The following TLR1 variants were observed in gnomAD, a reference collection of about 807,000 sequenced individuals.
TLR1 encodes the protein toll-like receptor 1.
In TLR1, 19 loss-of-function variants were observed where a neutral mutation model predicts 20.2. The ratio of observed to expected loss-of-function variants is 0.94; its 90% CI spans 0.66 to 1.38. The LOEUF (loss-of-function observed/expected upper bound fraction) is 1.38. Among genes scored for constraint, TLR1 ranks in the 40% most tolerant of loss-of-function variants. The pLI is 0.00. For synonymous variants in TLR1, 320 were observed against 334.5 expected (o/e 0.96, Z 0.47); for missense variants, 921 against 910.0 (o/e 1.01, Z -0.16).
downstream of TLR1, chr4:38,790,591 G>C (rs931207613): frequency 2.6e-5 from 4 of 151,744 alleles, no homozygotes; most frequent in Non-Finnish European, 4.4e-5. Flanking sequence ...CGTTTTGCTG[G>C]GTACTTTTAG....
chr4:38,799,012 T>G (rs1726441086), intron 3 of TLR1, 114 bp from the exon 4 acceptor site: 1 of 529,326 alleles, frequency 1.9e-6, no homozygotes, highest in Admixed American at 3.8e-5. Flanking sequence ...AAGTGGAGGC[T>G]ACATTCTTTT....
intron 3 of TLR1, 61 bp downstream of exon 3, chr4:38,800,796 A>C (rs552418837): frequency 6.5e-6 from 1 of 152,808 alleles, no homozygotes; most frequent in African/African-American, 2.4e-5. Flanking sequence ...CCTCGGTTAC[A>C]AAAGTTCCCC....
chr4:38,794,279 A>G (rs73142693), downstream of TLR1, among the ~76,000 whole-genome samples: 4,949 of 152,332 alleles, frequency 0.032, 110 homozygotes, highest in African/African-American at 0.053. Context: ...TTGCAATTCC[A>G]TTACAGAACA....
At chr4:38,805,289 G>A (rs1726946726), upstream of TLR1, 1 of 152,182 alleles carries the variant, frequency 6.6e-6, no homozygotes, top group Non-Finnish European at 1.5e-5. Context: ...TTACAGGATG[G>A]ATGTTAATCA....
downstream of TLR1, among the ~76,000 whole-genome samples, chr4:38,795,989 TG>T (rs5857643): frequency 4.7e-3 from 711 of 152,206 alleles, 6 homozygotes; most frequent in African/African-American, 0.017. Context: ...GGTGGGGGGT[TG>T]GGGAGGAACC....
At chr4:38,791,529 T>C (rs994599652), downstream of TLR1, among the ~76,000 whole-genome samples, 11 of 152,232 alleles carry the variant, frequency 7.2e-5, no homozygotes, top group African/African-American at 2.7e-4. Flanking sequence ...TTGCCATTTT[T>C]AGTTGTTTTG....
At chr4:38,805,470 G>C (rs1359713841), upstream of TLR1, 1 of 152,134 alleles carries the variant, frequency 6.6e-6, no homozygotes, top group Non-Finnish European at 1.5e-5. Context: ...AAAATCCTGG[G>C]GTTTGTTGAC....
At chr4:38,802,285 A>C (rs979738562) in intron 2 of TLR1, among the ~76,000 whole-genome samples, 2 of 152,170 alleles carry the variant, frequency 1.3e-5, no homozygotes, top group African/African-American at 4.8e-5. Context: ...CTCCTAATAG[A>C]TAGAAAACAC....
Position 38,798,661 on chromosome 4 carries a change from T to C in TLR1, c.171A>G (p.Ile57Met), listed in dbSNP as rs145135062. 4,491 of 1,614,018 alleles carry C rather than the reference T, an allele frequency of 2.8e-3. 16 individuals are homozygous for C. Among genetic ancestry groups the C allele is most frequent in the Middle Eastern group, 0.01 (61 of 6,062 alleles). ...TTILNISQNY[I>M]SELWTSDILS... ...AGATGTCAGAAGTCCAAAGCTCAGA[T>C]ATATAATTTTGCGATATATTTAAGA... Residue 57 changes from isoleucine to methionine, a missense_variant, in exon 4 of 4, where the codon ATA (isoleucine) becomes ATG (methionine). Ile to Met is a conservative substitution (Grantham distance 10, BLOSUM62 1). Transcript: ENST00000308979.
downstream of TLR1, chr4:38,796,210 T>C (rs1726039944): frequency 2.3e-6 from 1 of 434,418 alleles, no homozygotes; most frequent in Non-Finnish European, 4.1e-6. Context: ...CTTGACTTCA[T>C]GATAAATTCA....
downstream of TLR1, among the ~76,000 whole-genome samples, chr4:38,795,872 G>A (rs1360139090): frequency 2.0e-5 from 3 of 152,202 alleles, no homozygotes; most frequent in Non-Finnish European, 4.4e-5. Flanking sequence ...CAAAAAATGA[G>A]TGAGAAAGTT....
chr4:38,797,857 A>G lies in TLR1; in HGVS notation c.975T>C (p.Asn325=), dbSNP rs370738284. The G allele has an allele frequency of 1.9e-6, 3 of 1,613,956 alleles. No individual in the cohort carries two copies. In the African/African-American group the frequency reaches 4.0e-5, roughly 22 times the overall value. Residue 325 remains asparagine, a synonymous_variant, in exon 4 of 4, where the codon AAT becomes AAC. Transcript: ENST00000308979. ...ACACTGTGAAATTTTTGATGTTCAT[A>G]TTCGAAAAGATTTCATAGATATAAC... is the stretch of plus-strand genomic sequence containing the variant. ...PQSYIYEIFS[N]MNIKNFTVSG...
chr4:38,800,042 G>C (rs1487723088), intron 3 of TLR1, among the ~76,000 whole-genome samples: 1 of 152,150 alleles, frequency 6.6e-6, no homozygotes, highest in Admixed American at 6.5e-5. Flanking sequence ...GACAGTGCTT[G>C]GGGGTGGCTA....
chr4:38,800,808 A>G (rs771779673), intron 3 of TLR1, 49 bp downstream of exon 3: 1 of 152,636 alleles, frequency 6.6e-6, no homozygotes, highest in Non-Finnish European at 1.5e-5. Flanking sequence ...AAGTTCCCCA[A>G]TTTAGATGTG....
At chr4:38,798,991 A>G in intron 3 of TLR1, 93 bp from the exon 4 acceptor site, 1 of 613,718 alleles carries the variant, frequency 1.6e-6, no homozygotes, top group South Asian at 2.6e-5. Context: ...TTTTTTTGTT[A>G]CAGACTTATA....
downstream of TLR1, among the ~76,000 whole-genome samples, chr4:38,790,178 T>C (rs542002194): frequency 1.4e-4 from 22 of 152,350 alleles, no homozygotes; most frequent in African/African-American, 5.3e-4. Context: ...GTTGCTCCTC[T>C]CTGCTGTATT....
chr4:38,799,035 C>T (rs761362534), intron 3 of TLR1, 137 bp from the exon 4 acceptor site: 16 of 481,132 alleles, frequency 3.3e-5, no homozygotes, highest in Non-Finnish European at 4.8e-5. Flanking sequence ...GTTACATGGC[C>T]TAAAACTAGA....
chr4:38,805,480 C>T (rs1333783865), upstream of TLR1: 1 of 152,188 alleles, frequency 6.6e-6, no homozygotes, highest in African/African-American at 2.4e-5. Flanking sequence ...GGTTTGTTGA[C>T]AGCATGTTCA....
downstream of TLR1, chr4:38,796,188 A>T: frequency 2.6e-6 from 1 of 384,766 alleles, no homozygotes; most frequent in Non-Finnish European, 4.7e-6. Context: ...CTGAAGAAAA[A>T]CAGGTGCTTC....
Sources: allele counts gnomAD v4.1 joint callset (sites outside exome capture counted in the v4.1 genomes callset), GRCh38; gene constraint gnomAD v4.1.1; transcripts MANE v1.5; gene names NCBI Gene and HGNC (gene_info 2026-07-23, HGNC 2026-07-21).